ESRP1: variants seen among roughly 807,000 people sequenced by gnomAD.
The protein encoded by ESRP1 is epithelial splicing regulatory protein 1.
In ESRP1, 33 loss-of-function variants were observed where a neutral mutation model predicts 81.7. The ratio of observed to expected loss-of-function variants is 0.40; its 90% CI spans 0.31 to 0.54. ESRP1 has a LOEUF of 0.54. Ranked by LOEUF, ESRP1 falls within the 20% of genes least tolerant of loss-of-function variation. The pLI, the probability that ESRP1 is intolerant of heterozygous loss-of-function variation, is 0.41. For missense variants in ESRP1, 672 were observed against 833.1 expected (o/e 0.81, Z 2.38); for synonymous variants, 320 against 303.3 (o/e 1.06, Z -0.57).
At chr8:94,666,848 G>T (rs1278352383) in intron 9 of ESRP1, among the ~76,000 whole-genome samples, 1 of 152,178 alleles carries the variant, frequency 6.6e-6, no homozygotes, top group Non-Finnish European at 1.5e-5. Context: ...CTTGGAGATG[G>T]CAAAGTCAAT....
intron 4 of ESRP1, among the ~76,000 whole-genome samples, chr8:94,646,944 CA>C (rs1817885971): frequency 6.6e-6 from 1 of 152,174 alleles, no homozygotes; most frequent in Non-Finnish European, 1.5e-5. Flanking sequence ...AACTAATAAG[CA>C]GGCGTGTGCT....
chr8:94,694,528 C>G (rs1809522100), intron 14 of ESRP1, among the ~76,000 whole-genome samples: 1 of 152,170 alleles, frequency 6.6e-6, no homozygotes, highest in African/African-American at 2.4e-5. Context: ...CGCTTCAACC[C>G]AGGAGGCTGA....
chr8:94,643,290 C>G lies in ESRP1; in HGVS notation c.262-13C>G. On this transcript the variant is annotated splice_polypyrimidine_tract_variant and intron_variant, in intron 2 of 15. Coordinates refer to ENST00000433389, the MANE Select transcript of ESRP1 (RefSeq NM_017697.4). ...GCATCAGTTGCATCCCTATGTGTAT[C>G]TTGTTCTTGCAGTTTAACCAGTCAG... 2 of 1,553,240 alleles carry G rather than the reference C, an allele frequency of 1.3e-6. No individual in the cohort carries two copies. Among genetic ancestry groups the G allele is most frequent in the Non-Finnish European group, 1.8e-6 (2 of 1,124,608 alleles).
chr8:94,641,312 T>G lies in ESRP1; in HGVS notation c.-7T>G. On this transcript the variant is annotated 5_prime_UTR_variant, in exon 1 of 16. Coordinates refer to ENST00000433389, the MANE Select transcript of ESRP1 (RefSeq NM_017697.4). ...GACCCCCCCTCTCCCCCTCCCCACC[T>G]ATCGTCATGACGGCCTCTCCGGATT... 2.5e-6 allele frequency: 3 copies of G among 1,187,636 alleles called. No individual in the cohort carries two copies. Among genetic ancestry groups the G allele is most frequent in the Non-Finnish European group, 3.6e-6 (3 of 832,336 alleles). 73.6% of individuals were successfully genotyped at this position (1,187,636 alleles called of 1,614,324 possible).
chr8:94,695,540 G>A (rs1809571336), intron 14 of ESRP1, among the ~76,000 whole-genome samples: 2 of 150,820 alleles, frequency 1.3e-5, no homozygotes, highest in Non-Finnish European at 3.0e-5. Flanking sequence ...TTTTTTGGTA[G>A]AGATGGGGTT....
chr8:94,662,434 C>G, intron 5 of ESRP1, 64 bp downstream of exon 5: 1 of 1,546,300 alleles, frequency 6.5e-7, no homozygotes, highest in Non-Finnish European at 8.8e-7. Flanking sequence ...TACCTATACT[C>G]AAATTTCCTC....
intron 13 of ESRP1, among the ~76,000 whole-genome samples, chr8:94,683,423 A>G (rs1809005386): frequency 6.6e-6 from 1 of 152,044 alleles, no homozygotes; most frequent in Admixed American, 6.6e-5. Context: ...TTACTTTTTT[A>G]CTTGAAATTT....
intron 13 of ESRP1, among the ~76,000 whole-genome samples, chr8:94,687,690 CT>C (rs1197566038): frequency 6.6e-6 from 1 of 152,046 alleles, no homozygotes; most frequent in Non-Finnish European, 1.5e-5. Context: ...TTTTGAGAAT[CT>C]TTTTATGTGA....
chr8:94,662,636 C>T lies in ESRP1; in HGVS notation c.644+81C>T, dbSNP rs1818808073. On this transcript the variant is annotated intron_variant, in intron 6 of 15. Transcript: ENST00000433389. Reference sequence around the variant, plus strand: ...TGTTTGTTTGTTTTTGAGACAGAGTCTTGCTCTGTCGCCCAGGCTGGAGTG... The same window carrying T: ...TGTTTGTTTGTTTTTGAGACAGAGTTTTGCTCTGTCGCCCAGGCTGGAGTG... 2.5e-6 allele frequency: 3 copies of T among 1,219,842 alleles called. No individual in the cohort carries two copies. The South Asian group carries it at 4.4e-5, about 18-fold the overall frequency. The allele number at this position is 1,219,842 out of a possible 1,614,324, so 75.6% of individuals were successfully genotyped here.
intron 14 of ESRP1, among the ~76,000 whole-genome samples, chr8:94,695,367 T>A: frequency 9.7e-6 from 1 of 103,002 alleles, no homozygotes; most frequent in South Asian, 3.3e-4. Context: ...TTTTTTTTTT[T>A]TTTTTGAGAC....
At chr8:94,656,575 C>G (rs900623366) in intron 4 of ESRP1, among the ~76,000 whole-genome samples, 1 of 152,190 alleles carries the variant, frequency 6.6e-6, no homozygotes, top group Non-Finnish European at 1.5e-5. Context: ...TTAGAAAATT[C>G]AGTTTTTAGT....
chr8:94,666,620 A>C (rs1334442450), intron 9 of ESRP1, among the ~76,000 whole-genome samples: 1 of 152,228 alleles, frequency 6.6e-6, no homozygotes, highest in Non-Finnish European at 1.5e-5. Flanking sequence ...TTGCAGCTAT[A>C]GAACTTACCG....
In ESRP1 at chr8:94,671,483, A is replaced by G; in HGVS notation, c.1264A>G (p.Ile422Val). Residue 422 changes from isoleucine (I) to valine (V), a missense_variant, in exon 11 of 16, where the codon ATT (isoleucine) becomes GTT (valine). Transcript: ENST00000433389. ...VLNRFSSAPL[I>V]PLPTPPIIPV... ...GAATCGATTCTCCTCGGCCCCTCTC[A>G]TTCCACTTCCAACCCCTCCCATTAT... is the stretch of plus-strand genomic sequence containing the variant. 6.2e-7 allele frequency: 1 copy of G among 1,613,600 alleles called. No individual in the cohort carries two copies. The highest frequency in any genetic ancestry group is 2.2e-5 in the East Asian group (1 of 44,866).
At chr8:94,692,545 G>A (rs964816993) in intron 13 of ESRP1, 132 bp from the exon 14 acceptor site, 7 of 953,720 alleles carry the variant, frequency 7.3e-6, no homozygotes, top group South Asian at 3.9e-5. Context: ...ACCTGTCTTA[G>A]GAAAGACAGC....
intron 15 of ESRP1, among the ~76,000 whole-genome samples, chr8:94,701,951 G>A (rs1809857945): frequency 6.6e-6 from 1 of 152,198 alleles, no homozygotes; most frequent in Non-Finnish European, 1.5e-5. Context: ...CGTCATGCAT[G>A]CCTGTAGTCC....
intron 4 of ESRP1, among the ~76,000 whole-genome samples, chr8:94,654,466 G>C (rs1271356984): frequency 6.6e-6 from 1 of 152,110 alleles, no homozygotes. Context: ...CCAAAGTAAA[G>C]TTTTTCATCT....
chr8:94,700,577 T>C (rs1400076029), intron 15 of ESRP1, among the ~76,000 whole-genome samples: 1 of 152,234 alleles, frequency 6.6e-6, no homozygotes, highest in Non-Finnish European at 1.5e-5. Context: ...ATACCTCTTA[T>C]TTTATGCCAC....
Position 94,641,991 on chromosome 8 carries a change from T to C in ESRP1, c.168T>C (p.Asp56=). The part of the protein sequence containing the change: ...GQLHEVLVRP[D]QLELTEDCKE... ...TGCACGAAGTGCTAGTTAGACCGGA[T>C]CAGTTGGAACTGACGGAGGACTGCA... Residue 56 remains aspartate (D), a synonymous_variant, in exon 2 of 16, where the codon GAT becomes GAC. Coordinates refer to ENST00000433389, the MANE Select transcript of ESRP1 (RefSeq NM_017697.4). 1 of 1,613,986 alleles carries C rather than the reference T, an allele frequency of 6.2e-7. No individual in the cohort carries two copies. Among genetic ancestry groups the C allele is most frequent in the Non-Finnish European group, 8.5e-7 (1 of 1,179,860 alleles).
At chr8:94,691,807 CTT>C (rs567516245) in intron 13 of ESRP1, among the ~76,000 whole-genome samples, 269 of 152,150 alleles carry the variant, frequency 1.8e-3, no homozygotes, top group African/African-American at 6.1e-3. Context: ...AGGCTGATGA[CTT>C]TTAAAAAATT....
Sources: gnomAD v4.1 joint callset for allele counts (sites outside exome capture counted in the v4.1 genomes callset) on GRCh38, gnomAD v4.1.1 for gene constraint, MANE v1.5 for transcripts, NCBI Gene and HGNC (gene_info 2026-07-23, HGNC 2026-07-21) for gene names.